The following SPAG17 variants were observed in gnomAD, a reference collection of about 807,000 sequenced individuals.
The protein encoded by SPAG17 is sperm-associated antigen 17.
Under a neutral mutation model 273.6 loss-of-function variants are expected in SPAG17, and 169 were observed. The ratio of observed to expected loss-of-function variants is 0.62; its 90% confidence interval spans 0.55 to 0.70. SPAG17 has a LOEUF of 0.70. SPAG17 is among the 30% of genes least tolerant of loss of function. SPAG17 has a pLI of 0.00. For synonymous variants in SPAG17, 825 were observed against 873.2 expected, an observed-to-expected ratio of 0.94 and a Z score of 0.97; for missense variants, 2,557 against 2,627.8, an observed-to-expected ratio of 0.97 and a Z score of 0.59.
intron 1 of SPAG17, among the ~76,000 whole-genome samples, chr1:118,154,776 G>A (rs559858043): frequency 4.6e-5 from 7 of 152,116 alleles, no homozygotes; most frequent in African/African-American, 1.7e-4. Flanking sequence ...GACCATTGTG[G>A]GCAAATGAAA....
rs140967503 is a variant in SPAG17, at chr1:118,137,198, G to A, written c.315+13345C>T. Among the ~76,000 whole-genome samples the A allele has an allele frequency of 2.1e-3, 318 of 152,258 alleles. 4 individuals are homozygous for A. The highest frequency in any genetic ancestry group is 7.3e-3 in the African/African-American group (302 of 41,524). ...TGACTATGTGACATGTTATTAGACT[G>A]TTCTGGCTTCTCTGCAACTCCAGGG... On this transcript the variant is annotated intron_variant, in intron 3 of 48. Coordinates refer to ENST00000336338, the MANE Select transcript of SPAG17 (RefSeq NM_206996.4).
intron 4 of SPAG17, among the ~76,000 whole-genome samples, chr1:118,111,601 T>A (rs1254446543): frequency 3.1e-5 from 2 of 65,072 alleles, no homozygotes; most frequent in African/African-American, 7.8e-5. Flanking sequence ...CAAATGGCAT[T>A]ACCTTGGCTG....
chr1:118,036,835 G>A lies in SPAG17; in HGVS notation c.3368C>T (p.Ser1123Phe), dbSNP rs867659853. The A allele has an allele frequency of 6.4e-7, 1 of 1,561,868 alleles. No homozygotes were observed. The highest frequency in any genetic ancestry group is 1.2e-5 in the South Asian group (1 of 84,712). The change falls in exon 24 of 49, where the codon TCT becomes TTT. Residue 1123 changes from serine (S) to phenylalanine (F), a missense_variant. Transcript: ENST00000336338. ...GCAGATTCCATTTTCTAAGGTGGCA[G>A]AAAAAGATCCAAACTTGCTGAAAGC... The part of the protein sequence containing the change: ...NKAFSKFGSF[S>F]ATLENGICLS...
At chr1:118,005,716 T>G in intron 31 of SPAG17, 114 bp from the exon 32 acceptor site, 2 of 730,806 alleles carry the variant, frequency 2.7e-6, no homozygotes, top group South Asian at 3.9e-5. Flanking sequence ...CAAACTGTGT[T>G]TGCAGGAGGA....
intron 32 of SPAG17, among the ~76,000 whole-genome samples, chr1:117,997,217 G>A (rs1181474983): frequency 6.6e-6 from 1 of 152,180 alleles, no homozygotes; most frequent in Middle Eastern, 3.4e-3. Flanking sequence ...AAATGTTCTA[G>A]TCCTTTATTA....
At chr1:117,978,598 T>G (rs1655386993) in intron 43 of SPAG17, among the ~76,000 whole-genome samples, 1 of 152,190 alleles carries the variant, frequency 6.6e-6, no homozygotes, top group Admixed American at 6.5e-5. Context: ...ATTTCTCTAG[T>G]CTTTTAAGCA....
At position 118,139,772 on chromosome 1, in the gene SPAG17, T is replaced by C. The variant is rs1570762706; in HGVS notation, c.315+10771A>G. Among the ~76,000 whole-genome samples the C allele has an allele frequency of 4.7e-5, 7 of 148,140 alleles. No homozygotes were observed. The East Asian group carries it at 8.3e-4, about 18-fold the overall frequency. ...AAACTCATAGAAGCAGAAAGTAGAA[T>C]GGTGGTTACAGAGACTGGGGGGTGG... On this transcript the variant is annotated intron_variant, in intron 3 of 48. Transcript: ENST00000336338.
intron 26 of SPAG17, among the ~76,000 whole-genome samples, chr1:118,026,767 A>G (rs189427314): frequency 6.6e-6 from 1 of 152,320 alleles, no homozygotes; most frequent in East Asian, 1.9e-4. Flanking sequence ...AGCAACCACC[A>G]TTAACAACCA....
At chr1:118,099,506 C>G in intron 6 of SPAG17, 100 bp downstream of exon 6, 1 of 1,089,622 alleles carries the variant, frequency 9.2e-7, no homozygotes, top group Non-Finnish European at 1.4e-6. Flanking sequence ...TAATAATGTA[C>G]TAATTGTAAG....
intron 1 of SPAG17, among the ~76,000 whole-genome samples, chr1:118,170,405 A>G (rs1379376728): frequency 1.3e-5 from 2 of 152,114 alleles, no homozygotes; most frequent in Non-Finnish European, 2.9e-5. Context: ...ACAGTGGGTT[A>G]GGGTTGCTAG....
chr1:118,043,602 C>G (rs1285111064), intron 20 of SPAG17, among the ~76,000 whole-genome samples: 1 of 152,140 alleles, frequency 6.6e-6, no homozygotes, highest in East Asian at 1.9e-4. Flanking sequence ...ATAGCACTGC[C>G]AACTTCAGTG....
intron 1 of SPAG17, among the ~76,000 whole-genome samples, chr1:118,153,532 T>C (rs549982890): frequency 1.3e-5 from 2 of 152,296 alleles, no homozygotes; most frequent in Non-Finnish European, 2.9e-5. Context: ...CTCAAATGTA[T>C]ACATGTGTAT....
intron 1 of SPAG17, among the ~76,000 whole-genome samples, chr1:118,158,926 C>T (rs1439577477): frequency 6.6e-6 from 1 of 152,202 alleles, no homozygotes; most frequent in Non-Finnish European, 1.5e-5. Flanking sequence ...AAAGGCTCCC[C>T]TAGAATTATA....
intron 20 of SPAG17, among the ~76,000 whole-genome samples, chr1:118,043,178 T>A (rs1464715810): frequency 6.6e-6 from 1 of 152,118 alleles, no homozygotes; most frequent in Non-Finnish European, 1.5e-5. Context: ...AATGGCAAAG[T>A]GAGTTTGAAA....
rs751561514 is a variant in SPAG17 at position 118,115,414 on chromosome 1, C to T, written c.343G>A (p.Asp115Asn). The change falls in exon 4 of 49, where the codon GAT (aspartate) becomes AAT (asparagine). Residue 115 changes from aspartate to asparagine, a missense_variant. Transcript: ENST00000336338. ...GGTAAGGTTAATTTCTCTCCACTAT[C>T]CATAATTGCTTTTGCTGCCGTTAAC... ...EVLTAAKAIM[D>N]SGEKLTLPLI... 6.2e-7 allele frequency: 1 copy of T among 1,613,258 alleles called. No individual in the cohort carries two copies. Among genetic ancestry groups the T allele is most frequent in the South Asian group, 1.1e-5 (1 of 91,050 alleles).
chr1:118,015,012 T>C (rs891422504), intron 29 of SPAG17, among the ~76,000 whole-genome samples: 32 of 152,084 alleles, frequency 2.1e-4, no homozygotes, highest in African/African-American at 7.5e-4. Flanking sequence ...GGGCCGGGCG[T>C]GGTGGTTCAT....
chr1:118,046,184 A>T (rs1348029061), intron 20 of SPAG17, among the ~76,000 whole-genome samples: 1 of 151,980 alleles, frequency 6.6e-6, no homozygotes, highest in Non-Finnish European at 1.5e-5. Context: ...AAAAAGTTAA[A>T]AACTTAGCTG....
chr1:118,026,931 A>T (rs906233045), intron 26 of SPAG17, among the ~76,000 whole-genome samples: 8 of 152,168 alleles, frequency 5.3e-5, no homozygotes, highest in Admixed American at 2.6e-4. Flanking sequence ...TAGGATTTTC[A>T]TAGTATATGG....
At chr1:118,049,742 A>T (rs1242948857) in intron 20 of SPAG17, among the ~76,000 whole-genome samples, 1 of 152,236 alleles carries the variant, frequency 6.6e-6, no homozygotes, top group Non-Finnish European at 1.5e-5. Flanking sequence ...AATAAAAAAA[A>T]CTAGAGATAT....
Sources: allele counts gnomAD v4.1 joint callset (sites outside exome capture counted in the v4.1 genomes callset), GRCh38; gene constraint gnomAD v4.1.1; transcripts MANE v1.5; gene names NCBI Gene and HGNC (gene_info 2026-07-23, HGNC 2026-07-21).